GSG1L: variants seen among roughly 807,000 people sequenced by gnomAD.
The protein encoded by GSG1L is germ cell-specific gene 1-like protein.
GSG1L carries 24 observed loss-of-function variants against 42.1 expected under a neutral mutation model. The observed-to-expected ratio is 0.57, with a 90% CI of 0.41 to 0.80. The LOEUF is 0.80. GSG1L is among the 30% of genes least tolerant of loss of function. GSG1L has a pLI of 0.00. For missense variants in GSG1L, 445 were observed against 472.2 expected, an observed-to-expected ratio of 0.94 and a Z score of 0.53; for synonymous variants, 215 against 203.5, an observed-to-expected ratio of 1.06 and a Z score of -0.48.
chr16:28,017,819 A>G (rs1213799221), intron 1 of GSG1L, among the ~76,000 whole-genome samples: 1 of 152,200 alleles, frequency 6.6e-6, no homozygotes, highest in African/African-American at 2.4e-5. Flanking sequence ...GGGTGTTAAA[A>G]CTATCAGGAA....
chr16:27,912,846 T>C (rs917333418), intron 2 of GSG1L, among the ~76,000 whole-genome samples: 1 of 152,198 alleles, frequency 6.6e-6, no homozygotes, highest in Non-Finnish European at 1.5e-5. Flanking sequence ...TGGAAACAAC[T>C]AAATGGTTAT....
At chr16:28,054,826 A>T (rs1256584172) in intron 1 of GSG1L, among the ~76,000 whole-genome samples, 3 of 148,900 alleles carry the variant, frequency 2.0e-5, no homozygotes, top group Admixed American at 6.6e-5. Context: ...AGATGTCTTT[A>T]AAAAAAAATG....
chr16:27,919,668 T>G (rs1199122051), intron 2 of GSG1L, among the ~76,000 whole-genome samples: 1 of 152,148 alleles, frequency 6.6e-6, no homozygotes, highest in Non-Finnish European at 1.5e-5. Context: ...GTGCCCAGCC[T>G]TGGAGATAGA....
chr16:27,850,806 T>TA (rs2083503834), intron 3 of GSG1L, among the ~76,000 whole-genome samples: 1 of 117,662 alleles, frequency 8.5e-6, no homozygotes. Context: ...CTACCTTTTT[T>TA]TTTTATTTTT....
At chr16:28,020,875 T>A (rs2085834805) in intron 1 of GSG1L, among the ~76,000 whole-genome samples, 1 of 152,120 alleles carries the variant, frequency 6.6e-6, no homozygotes, top group Non-Finnish European at 1.5e-5. Flanking sequence ...TTGGGAGGAT[T>A]CTCCAGTGCC....
chr16:28,021,817 T>C (rs2085847126), intron 1 of GSG1L, among the ~76,000 whole-genome samples: 1 of 152,110 alleles, frequency 6.6e-6, no homozygotes, highest in Admixed American at 6.5e-5. Flanking sequence ...CTGGCATTGG[T>C]CTCACAAAAT....
chr16:27,853,018 A>G (rs546556522), intron 3 of GSG1L, among the ~76,000 whole-genome samples: 7 of 152,304 alleles, frequency 4.6e-5, no homozygotes, highest in African/African-American at 1.4e-4. Context: ...GGAAACTAGG[A>G]GCAACCAGGA....
Position 27,788,045 on chromosome 16 carries a change from G to C in GSG1L, c.*3325C>G, listed in dbSNP as rs899264092. 1 of 152,214 alleles carries C rather than the reference G, an allele frequency of 6.6e-6. No individual in the cohort carries two copies. The highest frequency in any genetic ancestry group is 1.5e-5 in the Non-Finnish European group (1 of 68,040). The allele number at this position is 152,214 out of a possible 1,614,324, so 9.4% of individuals were successfully genotyped here. A position where few individuals can be genotyped will look rare whatever the true frequency, so the allele number is the denominator to read the frequency against. ...AAGTGAATTAACAAATTGTTCGCTTGATGAATCAATGCGTGAATGAATGAG... is the reference window on the plus strand; with the variant it reads ...AAGTGAATTAACAAATTGTTCGCTTCATGAATCAATGCGTGAATGAATGAG... On this transcript the variant is annotated 3_prime_UTR_variant, in exon 7 of 7. Coordinates refer to ENST00000447459, the MANE Select transcript of GSG1L (RefSeq NM_001109763.2).
chr16:28,027,638 G>A (rs1331792026), intron 1 of GSG1L, among the ~76,000 whole-genome samples: 2 of 152,168 alleles, frequency 1.3e-5, no homozygotes, highest in East Asian at 3.8e-4. Flanking sequence ...CCTGTGTTCA[G>A]GTGAAACTGA....
At chr16:28,018,522 G>A (rs150824656) in intron 1 of GSG1L, among the ~76,000 whole-genome samples, 1 of 152,270 alleles carries the variant, frequency 6.6e-6, no homozygotes, top group African/African-American at 2.4e-5. Flanking sequence ...GCAGAGTCCT[G>A]CTTACATTGC....
intron 3 of GSG1L, among the ~76,000 whole-genome samples, chr16:27,849,238 G>A (rs2083480444): frequency 6.6e-6 from 1 of 151,706 alleles, no homozygotes; most frequent in Non-Finnish European, 1.5e-5. Flanking sequence ...AAAGAAAGGG[G>A]AGGGATGTGT....
intron 2 of GSG1L, among the ~76,000 whole-genome samples, chr16:27,961,585 G>C (rs956377119): frequency 3.3e-5 from 5 of 152,172 alleles, no homozygotes; most frequent in African/African-American, 1.2e-4. Flanking sequence ...GGGTTGTGGG[G>C]AGGTTTCTCA....
chr16:28,046,479 G>A (rs56309411), intron 1 of GSG1L, among the ~76,000 whole-genome samples: 2 of 149,548 alleles, frequency 1.3e-5, no homozygotes, highest in South Asian at 2.2e-4. Flanking sequence ...TCAGCCTCCC[G>A]AATAGCTCGG....
intron 1 of GSG1L, among the ~76,000 whole-genome samples, chr16:28,029,310 A>G (rs1395793131): frequency 6.6e-6 from 1 of 152,268 alleles, no homozygotes; most frequent in African/African-American, 2.4e-5. Context: ...AATCAGCAGC[A>G]TCAAGTAAAC....
At chr16:27,915,240 C>CACACACACACACA (rs1706425540) in intron 2 of GSG1L, among the ~76,000 whole-genome samples, 1 of 146,718 alleles carries the variant, frequency 6.8e-6, no homozygotes, top group Non-Finnish European at 1.5e-5. Flanking sequence ...CACACACACA[C>CACACACACACACA]CCTGTTGGTT....
intron 1 of GSG1L, among the ~76,000 whole-genome samples, chr16:27,976,834 C>T (rs2085256058): frequency 6.6e-6 from 1 of 152,324 alleles, no homozygotes; most frequent in African/African-American, 2.4e-5. Flanking sequence ...ATGTCCACCC[C>T]ACTCTCCCGT....
At chr16:28,052,172 T>C (rs1241157870) in intron 1 of GSG1L, among the ~76,000 whole-genome samples, 1 of 151,888 alleles carries the variant, frequency 6.6e-6, no homozygotes, top group Non-Finnish European at 1.5e-5. Flanking sequence ...AAGATGGAGC[T>C]GTCTTTTGTT....
chr16:27,891,288 C>T (rs1215938405), intron 2 of GSG1L, among the ~76,000 whole-genome samples: 1 of 152,138 alleles, frequency 6.6e-6, no homozygotes, highest in Non-Finnish European at 1.5e-5. Context: ...ATTCTCTTTT[C>T]CCTGATTTTT....
chr16:27,835,453 G>A (rs555599647), intron 4 of GSG1L, among the ~76,000 whole-genome samples: 5 of 152,038 alleles, frequency 3.3e-5, no homozygotes, highest in Admixed American at 6.5e-5. Flanking sequence ...AAATCCACTC[G>A]GCCAATTTCT....
Sources: allele counts gnomAD v4.1 joint callset (sites outside exome capture counted in the v4.1 genomes callset), GRCh38; gene constraint gnomAD v4.1.1; transcripts MANE v1.5; gene names NCBI Gene and HGNC (gene_info 2026-07-23, HGNC 2026-07-21).